Variants in TUSC3 observed in about 807,000 individuals in gnomAD.
The protein encoded by TUSC3 is dolichyl-diphosphooligosaccharide--protein glycosyltransferase subunit TUSC3.
Under a neutral mutation model 44.8 loss-of-function variants are expected in TUSC3, and 45 were observed. That is an observed-to-expected ratio of 1.00 (90% CI 0.79 to 1.29). TUSC3 has a LOEUF of 1.29. TUSC3 is among the 50% of genes most tolerant of loss of function. The pLI, the probability that TUSC3 is intolerant of heterozygous loss-of-function variation, is 0.00. For synonymous variants in TUSC3, 212 were observed against 152.9 expected, an observed-to-expected ratio of 1.39 and a Z score of -2.85; for missense variants, 519 against 437.9, an observed-to-expected ratio of 1.19 and a Z score of -1.65.
At chr8:15,635,264 T>C (rs1806014417) in intron 2 of TUSC3, among the ~76,000 whole-genome samples, 1 of 152,174 alleles carries the variant, frequency 6.6e-6, no homozygotes, top group African/African-American at 2.4e-5. Flanking sequence ...ATGAACTCTT[T>C]CTTGGGATAG....
Position 15,561,417 on chromosome 8 carries a change from C to T in TUSC3, c.138+20849C>T, listed in dbSNP as rs1585102205. ...CACTGCTCTCTTAAAAGCTGTCAGA[C>T]AGGGACATTTAAGTCTGCAGAGGTT... On this transcript the variant is annotated intron_variant, in intron 1 of 10. Transcript: ENST00000503731. Among the ~76,000 whole-genome samples, 3 of 139,614 alleles carry T rather than the reference C, an allele frequency of 2.1e-5. 1 individual carries two copies. Among genetic ancestry groups the T allele is most frequent in the African/African-American group, 7.9e-5 (3 of 37,814 alleles). The allele number at this position is 139,614 out of a possible 152,430, so 91.6% of individuals were successfully genotyped here.
the TUSC3 span, among the ~76,000 whole-genome samples, chr8:15,845,356 A>G: frequency 2.0e-5 from 3 of 152,156 alleles, no homozygotes; most frequent in Admixed American, 6.5e-5. Flanking sequence ...ATCTGGCAAT[A>G]AGGAGTTTCA....
intron 9 of TUSC3, among the ~76,000 whole-genome samples, chr8:15,757,464 T>C (rs1811973626): frequency 6.6e-6 from 1 of 152,176 alleles, no homozygotes; most frequent in African/African-American, 2.4e-5. Context: ...TTTGTACATC[T>C]TAACAACCTT....
chr8:15,700,023 A>G (rs879376124), intron 6 of TUSC3, among the ~76,000 whole-genome samples: 2 of 152,174 alleles, frequency 1.3e-5, no homozygotes, highest in African/African-American at 2.4e-5. Context: ...CTACATTTGA[A>G]TAGAATCTAT....
chr8:15,756,972 A>C (rs1373823424), intron 9 of TUSC3, among the ~76,000 whole-genome samples: 3 of 152,110 alleles, frequency 2.0e-5, no homozygotes, highest in Non-Finnish European at 4.4e-5. Flanking sequence ...GTGTCTCTAC[A>C]AAAAATTTAA....
chr8:15,537,279 T>C (rs1040946513), upstream of TUSC3, among the ~76,000 whole-genome samples: 1 of 152,150 alleles, frequency 6.6e-6, no homozygotes, highest in Non-Finnish European at 1.5e-5. Flanking sequence ...AGTCAGAAAA[T>C]GTTTAATTTT....
At chr8:15,826,922 G>A in the TUSC3 span, among the ~76,000 whole-genome samples, 23 of 152,260 alleles carry the variant, frequency 1.5e-4, no homozygotes, top group African/African-American at 5.5e-4. Context: ...AAATAGGGAA[G>A]CTCTCAATCC....
intron 7 of TUSC3, among the ~76,000 whole-genome samples, chr8:15,742,749 C>T (rs1219675820): frequency 2.0e-5 from 3 of 152,182 alleles, no homozygotes; most frequent in African/African-American, 7.2e-5. Flanking sequence ...CCATTAATCG[C>T]TTGGGCGAAA....
intron 1 of TUSC3, among the ~76,000 whole-genome samples, chr8:15,578,089 G>A (rs1167198279): frequency 4.7e-5 from 7 of 150,414 alleles, no homozygotes; most frequent in Non-Finnish European, 8.9e-5. Context: ...GTGAATGGGA[G>A]TTCACTCATG....
intron 1 of TUSC3, among the ~76,000 whole-genome samples, chr8:15,448,117 A>ATATATATATATATGTTTATTTATT: frequency 1.1e-5 from 1 of 93,782 alleles, no homozygotes; most frequent in Non-Finnish European, 2.2e-5. Flanking sequence ...ACATATATAT[A>ATATATATATATATGTTTATTTATT]TATTTATTTA....
chr8:15,830,997 G>A, the TUSC3 span, among the ~76,000 whole-genome samples: 1 of 152,320 alleles, frequency 6.6e-6, no homozygotes, highest in East Asian at 1.9e-4. Flanking sequence ...AAGCAAGGAT[G>A]GATTCCGCTG....
intron 9 of TUSC3, among the ~76,000 whole-genome samples, chr8:15,750,779 G>C (rs1487556014): frequency 6.6e-6 from 1 of 152,136 alleles, no homozygotes; most frequent in African/African-American, 2.4e-5. Context: ...CCACACTCCT[G>C]TCAGCTCCCC....
At chr8:15,442,283 T>C (rs1238307575) in intron 1 of TUSC3, among the ~76,000 whole-genome samples, 1 of 152,140 alleles carries the variant, frequency 6.6e-6, no homozygotes, top group African/African-American at 2.4e-5. Flanking sequence ...ATTATTTCTC[T>C]AAGAAAGTAA....
chr8:15,617,385 G>A lies in TUSC3; in HGVS notation c.139-5695G>A, dbSNP rs369265961. 9.2e-5 allele frequency among the ~76,000 whole-genome samples: 14 copies of A among 151,890 alleles called. 1 individual carries two copies. The East Asian group carries it at 1.6e-3, about 17-fold the overall frequency. On this transcript the variant is annotated intron_variant, in intron 1 of 10. Coordinates refer to ENST00000503731, the MANE Select transcript of TUSC3 (RefSeq NM_006765.4). Reference sequence around the variant, plus strand: ...GAACTCCTGACCTCTTGATCTGCCCGCCTAGGCTTCCCAAAGTGCTAGGAT... The same window carrying A: ...GAACTCCTGACCTCTTGATCTGCCCACCTAGGCTTCCCAAAGTGCTAGGAT...
At chr8:15,725,879 G>C (rs904570763) in intron 6 of TUSC3, among the ~76,000 whole-genome samples, 3 of 152,096 alleles carry the variant, frequency 2.0e-5, no homozygotes, top group Non-Finnish European at 2.9e-5. Flanking sequence ...CCAATTTGCA[G>C]ATTAGGAAAC....
At chr8:15,643,623 A>C (rs1364953131) in intron 2 of TUSC3, among the ~76,000 whole-genome samples, 6 of 152,180 alleles carry the variant, frequency 3.9e-5, no homozygotes, top group Non-Finnish European at 7.4e-5. Flanking sequence ...GCTTTAAGAA[A>C]CACAACCTCT....
intron 1 of TUSC3, among the ~76,000 whole-genome samples, chr8:15,562,899 T>TATA (rs1389990784): frequency 6.6e-6 from 1 of 152,178 alleles, no homozygotes; most frequent in Non-Finnish European, 1.5e-5. Flanking sequence ...AACTCAGAGT[T>TATA]AATAGATTAG....
At chr8:15,677,865 A>G (rs972142308) in intron 6 of TUSC3, among the ~76,000 whole-genome samples, 1 of 152,204 alleles carries the variant, frequency 6.6e-6, no homozygotes. Context: ...AGAGACATCC[A>G]CTGGTTGGAG....
the TUSC3 span, among the ~76,000 whole-genome samples, chr8:15,787,374 A>G: frequency 5.4e-4 from 82 of 152,346 alleles, no homozygotes; most frequent in African/African-American, 1.9e-3. Flanking sequence ...ATAAAATGCA[A>G]TGAAAATCCA....
Sources: allele counts gnomAD v4.1 joint callset (sites outside exome capture counted in the v4.1 genomes callset), GRCh38; gene constraint gnomAD v4.1.1; transcripts MANE v1.5; gene names NCBI Gene and HGNC (gene_info 2026-07-23, HGNC 2026-07-21).